TACC1: variants seen among roughly 807,000 people sequenced by gnomAD.
TACC1 encodes the protein transforming acidic coiled-coil-containing protein 1.
TACC1 carries 48 observed loss-of-function variants against 84.4 expected under a neutral mutation model. That is an observed-to-expected ratio of 0.57 (90% CI 0.45 to 0.72). The LOEUF (loss-of-function observed/expected upper bound fraction) is 0.72, where lower values mean the gene tolerates loss of function less well. TACC1 is among the 30% of genes least tolerant of loss of function. The pLI, the probability that TACC1 is intolerant of heterozygous loss-of-function variation, is 0.00. For synonymous variants in TACC1, 372 were observed against 376.3 expected (o/e 0.99, Z 0.13); for missense variants, 920 against 973.0 (o/e 0.95, Z 0.72).
chr8:38,754,688 A>G (rs1403501392), intron 3 of TACC1, among the ~76,000 whole-genome samples: 1 of 152,258 alleles, frequency 6.6e-6, no homozygotes, highest in East Asian at 1.9e-4. Context: ...TTCTTTAGCT[A>G]TTTGAAATTC....
At chr8:38,738,878 T>C (rs552451479) in intron 1 of TACC1, among the ~76,000 whole-genome samples, 3 of 152,102 alleles carry the variant, frequency 2.0e-5, no homozygotes, top group African/African-American at 7.2e-5. Context: ...GGCAAGGAGG[T>C]ATATGTGTGT....
At chr8:38,735,737 C>A (rs1805842884) in intron 1 of TACC1, among the ~76,000 whole-genome samples, 1 of 152,148 alleles carries the variant, frequency 6.6e-6, no homozygotes, top group Non-Finnish European at 1.5e-5. Flanking sequence ...GTAAATGGTC[C>A]CTTTATTAAA....
chr8:38,734,863 T>C (rs1046563670), intron 1 of TACC1, among the ~76,000 whole-genome samples: 2 of 152,250 alleles, frequency 1.3e-5, no homozygotes, highest in Non-Finnish European at 2.9e-5. Context: ...GTGGCTTGCC[T>C]TAGGCCTGTC....
chr8:38,815,639 G>A (rs1164529896), intron 2 of TACC1, among the ~76,000 whole-genome samples: 4 of 152,006 alleles, frequency 2.6e-5, no homozygotes, highest in African/African-American at 7.3e-5. Flanking sequence ...GGCTGGTTTC[G>A]AACCCCTGAC....
intron 11 of TACC1, chr8:38,844,843 C>CT (rs1831914285): frequency 1.3e-5 from 2 of 152,200 alleles, no homozygotes; most frequent in Admixed American, 1.3e-4. Context: ...CCATGTTTTA[C>CT]TTACACTTTA....
chr8:38,790,930 A>G (rs1226178499), intron 2 of TACC1, among the ~76,000 whole-genome samples: 3 of 152,218 alleles, frequency 2.0e-5, no homozygotes, highest in African/African-American at 7.2e-5. Flanking sequence ...AGTGATGAAG[A>G]TAACACTTAT....
chr8:38,776,767 A>C (rs1225546401), intron 3 of TACC1, among the ~76,000 whole-genome samples: 1 of 151,870 alleles, frequency 6.6e-6, no homozygotes, highest in African/African-American at 2.4e-5. Flanking sequence ...ATCATTTTTA[A>C]AAATGCTTCC....
intron 3 of TACC1, among the ~76,000 whole-genome samples, chr8:38,768,123 G>T (rs1419141657): frequency 6.6e-6 from 1 of 150,544 alleles, no homozygotes; most frequent in Non-Finnish European, 1.5e-5. Context: ...AAGGAAGGTA[G>T]GGGAAGGGAA....
intron 3 of TACC1, among the ~76,000 whole-genome samples, chr8:38,823,187 T>TA (rs1191446894): frequency 6.6e-6 from 1 of 152,186 alleles, no homozygotes; most frequent in Non-Finnish European, 1.5e-5. Context: ...AGTAGAGAGA[T>TA]ATAGGAACCA....
rs1336193108 is a variant in TACC1 at position 38,851,993 on chromosome 8, C to T, written c.*3970C>T. ...GCAACTTACCACTAAATCCTTGAGTCTCCATAGAGTAACAGTAAAGAAACT... is the reference window on the plus strand; with the variant it reads ...GCAACTTACCACTAAATCCTTGAGTTTCCATAGAGTAACAGTAAAGAAACT... On this transcript the variant is annotated 3_prime_UTR_variant, in exon 13 of 13. Coordinates refer to ENST00000317827, the MANE Select transcript of TACC1 (RefSeq NM_006283.3). 6.6e-6 allele frequency: 3 copies of T among 456,488 alleles called. No homozygotes were observed. The highest frequency in any genetic ancestry group is 8.8e-6 in the Non-Finnish European group (2 of 226,922). 28.3% of individuals were successfully genotyped at this position (456,488 alleles called of 1,614,324 possible).
chr8:38,836,342 G>A (rs1291526819), intron 7 of TACC1, 55 bp downstream of exon 7: 41 of 1,581,364 alleles, frequency 2.6e-5, no homozygotes, highest in Admixed American at 5.1e-5. Flanking sequence ...TAAGGCCCAT[G>A]TACCAGCAGG....
chr8:38,825,816 T>G (rs886110703), intron 4 of TACC1, among the ~76,000 whole-genome samples: 2 of 152,208 alleles, frequency 1.3e-5, no homozygotes, highest in African/African-American at 2.4e-5. Flanking sequence ...TAGATTTTTT[T>G]GGGCACATAA....
chr8:38,829,769 CA>C (rs769846920), intron 5 of TACC1, among the ~76,000 whole-genome samples: 15 of 152,170 alleles, frequency 9.9e-5, no homozygotes, highest in Non-Finnish European at 1.9e-4. Context: ...TCAAAGTTAG[CA>C]AACAGCAAGG....
At chr8:38,823,078 A>G (rs559352783) in intron 3 of TACC1, among the ~76,000 whole-genome samples, 3 of 152,218 alleles carry the variant, frequency 2.0e-5, no homozygotes, top group African/African-American at 4.8e-5. Context: ...CAGCATTGCT[A>G]TGACTTAAAG....
chr8:38,826,206 TG>T (rs1478460016), intron 4 of TACC1, among the ~76,000 whole-genome samples: 4 of 152,134 alleles, frequency 2.6e-5, no homozygotes, highest in Non-Finnish European at 4.4e-5. Context: ...AGGGGTGTGA[TG>T]GGGGAAATTT....
At chr8:38,815,665 C>G (rs563776005) in intron 2 of TACC1, among the ~76,000 whole-genome samples, 1 of 152,046 alleles carries the variant, frequency 6.6e-6, no homozygotes, top group Admixed American at 6.6e-5. Context: ...GTGATCTGCC[C>G]GCCTCGGCCT....
intron 4 of TACC1, among the ~76,000 whole-genome samples, chr8:38,826,648 A>G (rs1338550511): frequency 6.6e-6 from 1 of 152,210 alleles, no homozygotes; most frequent in Non-Finnish European, 1.5e-5. Flanking sequence ...TTTAGAGAGG[A>G]AAAGGAATAA....
At chr8:38,754,798 G>A (rs1809687417) in intron 3 of TACC1, among the ~76,000 whole-genome samples, 1 of 152,140 alleles carries the variant, frequency 6.6e-6, no homozygotes, top group Admixed American at 6.5e-5. Context: ...TCAACATTCT[G>A]GACCCTGGGA....
intron 3 of TACC1, among the ~76,000 whole-genome samples, chr8:38,745,795 C>T (rs1030368568): frequency 2.0e-5 from 3 of 152,104 alleles, no homozygotes; most frequent in Non-Finnish European, 2.9e-5. Flanking sequence ...CCACCTGCCT[C>T]GGCCTCCCAA....
Sources: allele counts gnomAD v4.1 joint callset (sites outside exome capture counted in the v4.1 genomes callset), GRCh38; gene constraint gnomAD v4.1.1; transcripts MANE v1.5; gene names NCBI Gene and HGNC (gene_info 2026-07-23, HGNC 2026-07-21).